CCDC150: variants seen among roughly 807,000 people sequenced by gnomAD.
CCDC150 encodes coiled-coil domain-containing protein 150.
A neutral mutation model predicts 156.5 loss-of-function variants in CCDC150; 151 were observed. The observed-to-expected ratio is 0.97, with a 90% CI of 0.85 to 1.10. The LOEUF (loss-of-function observed/expected upper bound fraction) is 1.10, where lower values mean the gene tolerates loss of function less well. Among genes scored for constraint, CCDC150 ranks in the 50% least tolerant of loss-of-function variants. The probability of loss-of-function intolerance (pLI) is 0.00; values close to 1 mark genes in which losing one functional copy is unlikely to be tolerated. For missense variants in CCDC150, 1,312 were observed against 1,268.1 expected, an observed-to-expected ratio of 1.03 and a Z score of -0.53; for synonymous variants, 452 against 429.4, an observed-to-expected ratio of 1.05 and a Z score of -0.65.
intron 8 of CCDC150, among the ~76,000 whole-genome samples, chr2:196,670,668 T>A (rs6434876): frequency 0.64 from 97,086 of 151,634 alleles, 31,899 homozygotes; most frequent in East Asian, 0.8. Context: ...ATGTGTTCCT[T>A]TGAAGTCATA....
intron 13 of CCDC150, among the ~76,000 whole-genome samples, chr2:196,691,195 T>A (rs1695447185): frequency 6.6e-6 from 1 of 152,202 alleles, no homozygotes; most frequent in East Asian, 1.9e-4. Context: ...CTGCCAGGTT[T>A]TGGTATCAGG....
intron 2 of CCDC150, among the ~76,000 whole-genome samples, chr2:196,646,969 T>C (rs547508013): frequency 1.3e-5 from 2 of 152,136 alleles, no homozygotes; most frequent in Non-Finnish European, 1.5e-5. Flanking sequence ...TAAAAAACAA[T>C]TTTTTTCCCC....
intron 1 of CCDC150, among the ~76,000 whole-genome samples, chr2:196,642,527 C>T (rs1692289848): frequency 6.6e-6 from 1 of 152,176 alleles, no homozygotes; most frequent in South Asian, 2.1e-4. Flanking sequence ...AAGTTCTTAT[C>T]TCATACTTTA....
At chr2:196,684,453 G>A (rs1695012082) in intron 13 of CCDC150, among the ~76,000 whole-genome samples, 1 of 152,082 alleles carries the variant, frequency 6.6e-6, no homozygotes, top group African/African-American at 2.4e-5. Flanking sequence ...ATTGAGAGTT[G>A]TTTTGTGGTA....
intron 13 of CCDC150, among the ~76,000 whole-genome samples, chr2:196,682,941 C>G (rs1337751345): frequency 6.6e-6 from 1 of 151,938 alleles, no homozygotes; most frequent in Admixed American, 6.6e-5. Context: ...CTCCTGGGCT[C>G]TCTATTTGCT....
In CCDC150 at chr2:196,676,751, CAT is replaced by C; in HGVS notation, c.1440+21_1440+22del. 6.3e-7 allele frequency: 1 copy of C among 1,581,216 alleles called. No individual in the cohort carries two copies. The highest frequency in any genetic ancestry group is 1.7e-4 in the Middle Eastern group (1 of 5,968). On this transcript the variant is annotated intron_variant, in intron 12 of 27. Transcript: ENST00000389175. ...AGGGAGGTAGGTAGAAGCAAATTTA[CAT>C]TATCTTCTCATTGTGGTGTGATGAT...
At chr2:196,725,690 T>A (rs1698168715) in intron 21 of CCDC150, among the ~76,000 whole-genome samples, 1 of 152,222 alleles carries the variant, frequency 6.6e-6, no homozygotes, top group South Asian at 2.1e-4. Flanking sequence ...AAGTATCTCT[T>A]AAAGTGTTTC....
rs1410036311 is a variant in CCDC150 at position 196,729,368 on chromosome 2, A to G, written c.2732A>G (p.Gln911Arg). The G allele has an allele frequency of 6.2e-7, 1 of 1,613,954 alleles. No homozygotes were observed. Among genetic ancestry groups the G allele is most frequent in the Non-Finnish European group, 8.5e-7 (1 of 1,179,834 alleles). Reference protein sequence around the residue: ...LHLSAKANNAQNIERMKQIEK... With the variant: ...LHLSAKANNARNIERMKQIEK... The stretch of plus-strand genomic sequence containing the variant: ...TTGTCAGCTAAGGCGAATAATGCTC[A>G]GAATATAGAAAGGATGAAGGTTGTA... The change falls in exon 23 of 28, where the codon CAG becomes CGG. Residue 911 changes from glutamine to arginine, a missense_variant. By Grantham distance (43) the Gln-to-Arg change is conservative (BLOSUM62 1). Coordinates refer to ENST00000389175, the MANE Select transcript of CCDC150 (RefSeq NM_001080539.2).
chr2:196,646,338 T>A lies in CCDC150; in HGVS notation c.13-3T>A, dbSNP rs377254708. On this transcript the variant is annotated splice_region_variant and splice_polypyrimidine_tract_variant and intron_variant, in intron 1 of 27. Transcript: ENST00000389175. ...CACACTAAGATTGTGACTGTATTCT[T>A]AGGTACATATGGAAACTACAGTGTC... The A allele has an allele frequency of 2.7e-5, 43 of 1,613,258 alleles. No homozygotes were observed. Among genetic ancestry groups the A allele is most frequent in the Non-Finnish European group, 3.6e-5 (42 of 1,179,376 alleles).
At chr2:196,721,769 C>T (rs956087579) in intron 21 of CCDC150, 78 bp downstream of exon 21, 52 of 1,177,348 alleles carry the variant, frequency 4.4e-5, no homozygotes, top group Non-Finnish European at 5.2e-5. Flanking sequence ...ATGGCTCATT[C>T]GCATAAATCA....
At chr2:196,685,643 G>A (rs530401311) in intron 13 of CCDC150, among the ~76,000 whole-genome samples, 36 of 148,804 alleles carry the variant, frequency 2.4e-4, no homozygotes, top group African/African-American at 5.0e-4. Context: ...ACAGTGTCTC[G>A]CTCTGTCACC....
intron 27 of CCDC150, 56 bp downstream of exon 27, chr2:196,732,208 T>C: frequency 6.3e-7 from 1 of 1,593,618 alleles, no homozygotes; most frequent in East Asian, 2.2e-5. Context: ...TTCTCAGATT[T>C]CTAATTACCG....
chr2:196,639,904 T>C, intron 1 of CCDC150, 126 bp downstream of exon 1: 1 of 839,942 alleles, frequency 1.2e-6, no homozygotes, highest in Non-Finnish European at 1.7e-6. Context: ...TCTCACTCCC[T>C]GGACCTCAGG....
At chr2:196,670,112 T>C (rs1236611861) in intron 8 of CCDC150, among the ~76,000 whole-genome samples, 2 of 152,314 alleles carry the variant, frequency 1.3e-5, no homozygotes, top group Non-Finnish European at 1.5e-5. Context: ...ATTTGTGTTT[T>C]TTGCCTATTG....
chr2:196,690,011 T>C (rs184113043), intron 13 of CCDC150, among the ~76,000 whole-genome samples: 2 of 152,338 alleles, frequency 1.3e-5, no homozygotes, highest in African/African-American at 4.8e-5. Context: ...AATCATGTGG[T>C]TTTTGTCTTT....
At chr2:196,714,212 G>A (rs562634941) in intron 17 of CCDC150, among the ~76,000 whole-genome samples, 1 of 152,290 alleles carries the variant, frequency 6.6e-6, no homozygotes, top group South Asian at 2.1e-4. Flanking sequence ...GCAAAGTAAT[G>A]AAGGAAGCAG....
chr2:196,702,043 A>G (rs1239984252), intron 15 of CCDC150, among the ~76,000 whole-genome samples: 11 of 152,150 alleles, frequency 7.2e-5, no homozygotes, highest in Non-Finnish European at 1.0e-4. Flanking sequence ...TAGCCTGGGC[A>G]ATATAGCAAG....
intron 9 of CCDC150, among the ~76,000 whole-genome samples, chr2:196,674,029 C>T (rs1451760256): frequency 6.6e-6 from 1 of 152,032 alleles, no homozygotes; most frequent in Non-Finnish European, 1.5e-5. Flanking sequence ...TCTACCAAAT[C>T]AACAAATCTC....
intron 13 of CCDC150, among the ~76,000 whole-genome samples, chr2:196,689,195 T>C (rs1019064366): frequency 9.9e-5 from 15 of 152,192 alleles, no homozygotes; most frequent in Non-Finnish European, 2.1e-4. Flanking sequence ...TCCAGCTTTG[T>C]TCTTTTGGCT....
Sources: gnomAD v4.1 joint callset for allele counts (sites outside exome capture counted in the v4.1 genomes callset) on GRCh38, gnomAD v4.1.1 for gene constraint, MANE v1.5 for transcripts, NCBI Gene and HGNC (gene_info 2026-07-23, HGNC 2026-07-21) for gene names.